Variants in MCTP2 observed in about 807,000 individuals in gnomAD.
MCTP2 encodes the protein multiple C2 and transmembrane domain-containing protein 2.
MCTP2 carries 132 observed loss-of-function variants against 111.6 expected under a neutral mutation model. The observed-to-expected ratio is 1.18, with a 90% CI of 1.03 to 1.37. MCTP2 has a LOEUF of 1.37. Among genes scored for constraint, MCTP2 ranks in the 40% most tolerant of loss-of-function variants. The pLI, the probability that MCTP2 is intolerant of heterozygous loss-of-function variation, is 0.00. For missense variants in MCTP2, 1,183 were observed against 1,067.9 expected (o/e 1.11, Z -1.50); for synonymous variants, 395 against 387.7 (o/e 1.02, Z -0.22).
chr15:94,386,642 C>CT (rs113898425), intron 14 of MCTP2, among the ~76,000 whole-genome samples: 2,976 of 151,482 alleles, frequency 0.02, 98 homozygotes, highest in African/African-American at 0.068. Context: ...ATTTCCCCCC[C>CT]TTTTTTTTTC....
rs1486675728 is a variant in MCTP2 at position 94,479,860 on chromosome 15, GAATA to G, written c.*830_*833del. On this transcript the variant is annotated 3_prime_UTR_variant, in exon 23 of 23. Coordinates refer to ENST00000357742, the MANE Select transcript of MCTP2 (RefSeq NM_001385001.1). ...AGGTGGGGGTAGGGGAGAAATGAAT[GAATA>G]AATTCTCTAGGTATTTAGAAAGATA... 4 of 152,098 alleles carry G rather than the reference GAATA, an allele frequency of 2.6e-5. No homozygotes were observed. Among genetic ancestry groups the G allele is most frequent in the Admixed American group, 6.5e-5 (1 of 15,270 alleles). 9.4% of individuals were successfully genotyped at this position (152,098 alleles called of 1,614,324 possible).
intron 1 of MCTP2, among the ~76,000 whole-genome samples, chr15:94,279,546 G>A (rs915133924): frequency 6.6e-6 from 1 of 152,022 alleles, no homozygotes; most frequent in South Asian, 2.1e-4. Context: ...GTAAAGAATT[G>A]TATAGTCTTT....
chr15:94,236,777 C>T (rs1160871167), intron 1 of MCTP2, among the ~76,000 whole-genome samples: 1 of 152,140 alleles, frequency 6.6e-6, no homozygotes, highest in Non-Finnish European at 1.5e-5. Context: ...TATGGGAGAA[C>T]AGAATAGATG....
In MCTP2 at chr15:94,476,723, G is replaced by A. The variant is rs187187495; in HGVS notation, c.2498G>A (p.Arg833Gln). Reference protein sequence around the residue: ...WGINKFTKKLRNPYSIDNNEL... With the variant: ...WGINKFTKKLQNPYSIDNNEL... Reference sequence around the variant, plus strand: ...ATAAATAAATTTACTAAGAAGCTTCGAAATCCCTATTCCATCGACAATAAT... The same window carrying A: ...ATAAATAAATTTACTAAGAAGCTTCAAAATCCCTATTCCATCGACAATAAT... Residue 833 changes from arginine (R) to glutamine (Q), a missense_variant, in exon 22 of 23, where the codon CGA becomes CAA. By Grantham distance (43) the Arg-to-Gln change is conservative. Transcript: ENST00000357742. The A allele has an allele frequency of 2.6e-5, 42 of 1,605,140 alleles. No homozygotes were observed. The highest frequency in any genetic ancestry group is 6.7e-5 in the African/African-American group (5 of 74,730).
chr15:94,274,259 A>G (rs1191626428), intron 1 of MCTP2, among the ~76,000 whole-genome samples: 6 of 152,360 alleles, frequency 3.9e-5, no homozygotes, highest in Non-Finnish European at 4.4e-5. Context: ...GTGGAATGCA[A>G]CTAATTCAGT....
chr15:94,325,755 G>A (rs543085387), intron 4 of MCTP2, among the ~76,000 whole-genome samples: 1 of 150,204 alleles, frequency 6.7e-6, no homozygotes, highest in South Asian at 2.1e-4. Context: ...TGGTGTTGAC[G>A]AAGGCACACC....
intron 1 of MCTP2, among the ~76,000 whole-genome samples, chr15:94,264,430 A>C (rs1014186808): frequency 6.6e-6 from 1 of 152,038 alleles, no homozygotes; most frequent in African/African-American, 2.4e-5. Flanking sequence ...AACACAGCGA[A>C]ACCCTGTCTC....
chr15:94,453,123 A>G (rs537444195), intron 19 of MCTP2, among the ~76,000 whole-genome samples: 1 of 152,308 alleles, frequency 6.6e-6, no homozygotes, highest in South Asian at 2.1e-4. Context: ...TATTGTATTT[A>G]ATATTTCCAC....
At chr15:94,441,009 T>A (rs564382138) in intron 18 of MCTP2, among the ~76,000 whole-genome samples, 19 of 152,260 alleles carry the variant, frequency 1.2e-4, no homozygotes, top group South Asian at 2.1e-4. Context: ...GCTTTTTTTT[T>A]ATGATGTAAT....
chr15:94,346,074 C>T (rs12591378), intron 8 of MCTP2, among the ~76,000 whole-genome samples: 38,674 of 151,828 alleles, frequency 0.25, 5,619 homozygotes, highest in African/African-American at 0.38. Context: ...TAATAAGGAG[C>T]TTGAAACTGG....
chr15:94,380,006 A>T (rs996720697), intron 12 of MCTP2, among the ~76,000 whole-genome samples: 2 of 151,436 alleles, frequency 1.3e-5, no homozygotes, highest in African/African-American at 4.9e-5. Context: ...CTGCTCATCA[A>T]ACACTTCCCT....
intron 1 of MCTP2, among the ~76,000 whole-genome samples, chr15:94,242,857 C>G (rs552683228): frequency 2.7e-5 from 4 of 150,350 alleles, no homozygotes; most frequent in Non-Finnish European, 5.9e-5. Flanking sequence ...AAAGCCTGGC[C>G]ACTTCTGGGG....
intron 17 of MCTP2, among the ~76,000 whole-genome samples, chr15:94,425,479 G>C (rs1365869699): frequency 1.3e-5 from 2 of 151,520 alleles, no homozygotes; most frequent in Non-Finnish European, 2.9e-5. Flanking sequence ...GTAAGTCAGA[G>C]GCAAACTTAT....
At chr15:94,464,239 AATATATATAT>A (rs1555481312) in intron 20 of MCTP2, among the ~76,000 whole-genome samples, 2 of 89,332 alleles carry the variant, frequency 2.2e-5, no homozygotes, top group Non-Finnish European at 2.3e-5. Flanking sequence ...TTATATATAT[AATATATATAT>A]ATATATATTA....
intron 1 of MCTP2, among the ~76,000 whole-genome samples, chr15:94,243,961 A>ATG (rs1491457878): frequency 3.5e-5 from 5 of 142,748 alleles, no homozygotes; most frequent in African/African-American, 1.2e-4. Flanking sequence ...GTATATATTT[A>ATG]CACACACATA....
chr15:94,438,431 C>T (rs758450387), intron 17 of MCTP2, among the ~76,000 whole-genome samples: 29 of 152,024 alleles, frequency 1.9e-4, no homozygotes, highest in Admixed American at 9.8e-4. Context: ...AAAAAGAACA[C>T]GAGCGTCTAT....
intron 14 of MCTP2, among the ~76,000 whole-genome samples, chr15:94,392,818 AAAAC>A (rs922294769): frequency 5.5e-4 from 84 of 152,030 alleles, no homozygotes; most frequent in South Asian, 2.7e-3. Context: ...TTCATCTCAA[AAAAC>A]AAACAAACAA....
rs74028540 is a variant in MCTP2 at position 94,320,561 on chromosome 15, C to T, written c.637+4924C>T. ...CAACTTCAGTGCTGGACTTAAGGAGCATTGAGGCCTGTTATACAAGGGAAA... is the reference window on the plus strand; with the variant it reads ...CAACTTCAGTGCTGGACTTAAGGAGTATTGAGGCCTGTTATACAAGGGAAA... On this transcript the variant is annotated intron_variant, in intron 4 of 22. Transcript: ENST00000357742. Among the ~76,000 whole-genome samples, 1,253 of 152,246 alleles carry T rather than the reference C, an allele frequency of 8.2e-3. 18 individuals are homozygous for T. Among genetic ancestry groups the T allele is most frequent in the African/African-American group, 0.028 (1,183 of 41,518 alleles).
intron 9 of MCTP2, 112 bp downstream of exon 9, chr15:94,356,413 C>T (rs1362018513): frequency 1.0e-6 from 1 of 990,454 alleles, no homozygotes; most frequent in Non-Finnish European, 1.4e-6. Flanking sequence ...GTTCAGCCCG[C>T]CTAACTATAT....
Sources: gnomAD v4.1 joint callset for allele counts (sites outside exome capture counted in the v4.1 genomes callset) on GRCh38, gnomAD v4.1.1 for gene constraint, MANE v1.5 for transcripts, NCBI Gene and HGNC (gene_info 2026-07-23, HGNC 2026-07-21) for gene names.